The following CHN2 variants were observed in gnomAD, a reference collection of about 807,000 sequenced individuals.
CHN2 encodes the protein beta-chimaerin.
CHN2 carries 35 observed loss-of-function variants against 56.3 expected under a neutral mutation model. The observed-to-expected ratio is 0.62, with a 90% CI of 0.47 to 0.82. The LOEUF (loss-of-function observed/expected upper bound fraction) is 0.82. Ranked by LOEUF, CHN2 falls within the 40% of genes least tolerant of loss-of-function variation. CHN2 has a pLI of 0.00. For synonymous variants in CHN2, 210 were observed against 212.8 expected, an observed-to-expected ratio of 0.99 and a Z score of 0.12; for missense variants, 491 against 580.5, an observed-to-expected ratio of 0.85 and a Z score of 1.58.
At position 29,289,805 on chromosome 7, in the gene CHN2, C is replaced by G. The variant is rs73686719; in HGVS notation, c.50-64820C>G. Among the ~76,000 whole-genome samples, 9 of 152,278 alleles carry G rather than the reference C, an allele frequency of 5.9e-5. No homozygotes were observed. In the South Asian group the frequency reaches 1.2e-3, roughly 21 times the overall value. On this transcript the variant is annotated intron_variant, in intron 1 of 12. Coordinates refer to ENST00000222792, the MANE Select transcript of CHN2 (RefSeq NM_004067.4). ...ATGGCTACTTACATATGCATTTACC[C>G]GGAGGTTTGACTTTAAATGTTACCA...
At chr7:29,424,186 C>T (rs540919403) in intron 6 of CHN2, among the ~76,000 whole-genome samples, 11 of 152,110 alleles carry the variant, frequency 7.2e-5, no homozygotes, top group Non-Finnish European at 1.2e-4. Context: ...AAATAGAGGC[C>T]GTCAGACATG....
chr7:29,394,821 A>G (rs1311282719), intron 4 of CHN2, among the ~76,000 whole-genome samples: 2 of 152,226 alleles, frequency 1.3e-5, no homozygotes, highest in African/African-American at 4.8e-5. Flanking sequence ...GGAGCTGTTT[A>G]TTATGCATTT....
chr7:29,333,732 C>T (rs919544277), intron 1 of CHN2, among the ~76,000 whole-genome samples: 2 of 152,134 alleles, frequency 1.3e-5, no homozygotes, highest in Non-Finnish European at 2.9e-5. Context: ...AGACTTCTTT[C>T]TGGTTTTCCA....
At chr7:29,204,997 C>T (rs540395241) in intron 1 of CHN2, among the ~76,000 whole-genome samples, 2 of 152,252 alleles carry the variant, frequency 1.3e-5, no homozygotes, top group East Asian at 1.9e-4. Flanking sequence ...TGCCACAGTA[C>T]TTATTTGGTT....
intron 6 of CHN2, among the ~76,000 whole-genome samples, chr7:29,443,002 G>A (rs368011007): frequency 2.9e-5 from 4 of 139,510 alleles, no homozygotes; most frequent in African/African-American, 5.6e-5. Context: ...CTGCAGTGGC[G>A]CAATCTCGGC....
chr7:29,282,271 T>A (rs1042415893), intron 1 of CHN2, among the ~76,000 whole-genome samples: 1 of 152,206 alleles, frequency 6.6e-6, no homozygotes, highest in Non-Finnish European at 1.5e-5. Context: ...CAGATTGTGA[T>A]TGACACATCT....
intron 12 of CHN2, among the ~76,000 whole-genome samples, chr7:29,511,603 T>C (rs1791416746): frequency 6.6e-6 from 1 of 152,192 alleles, no homozygotes. Flanking sequence ...TTGTGGCATG[T>C]ACATGACACA....
chr7:29,426,193 C>T (rs543791170), intron 6 of CHN2, among the ~76,000 whole-genome samples: 54 of 104,776 alleles, frequency 5.2e-4, no homozygotes, highest in Admixed American at 2.3e-3. Flanking sequence ...TGGGTGATAG[C>T]GAGACTCTGT....
At position 29,400,762 on chromosome 7, in the gene CHN2, G is replaced by C. The variant is rs781298459; in HGVS notation, c.510G>C (p.Leu170=). The change falls in exon 6 of 13, where the codon CTG becomes CTC. Residue 170 remains leucine, a synonymous_variant. Transcript: ENST00000222792. ...TCAGAGAAAAAGTATCCAGAAGGCTGAGCAGGTCTAAAAATGAACCAAGAA... is the reference window on the plus strand; with the variant it reads ...TCAGAGAAAAAGTATCCAGAAGGCTCAGCAGGTCTAAAAATGAACCAAGAA... ...TLLREKVSRR[L]SRSKNEPRKT... is the part of the protein sequence containing the mutation. 6.2e-7 allele frequency: 1 copy of C among 1,612,924 alleles called. No homozygotes were observed. Among genetic ancestry groups the C allele is most frequent in the African/African-American group, 1.3e-5 (1 of 74,940 alleles).
At chr7:29,152,967 A>C (rs766654727) in intron 2 of CHN2, among the ~76,000 whole-genome samples, 36 of 152,336 alleles carry the variant, frequency 2.4e-4, no homozygotes, top group Non-Finnish European at 4.3e-4. Flanking sequence ...GTCATCCTCT[A>C]TCTGAGGGGT....
intron 1 of CHN2, among the ~76,000 whole-genome samples, chr7:29,279,541 G>A (rs1191631969): frequency 6.6e-6 from 1 of 152,234 alleles, no homozygotes; most frequent in Non-Finnish European, 1.5e-5. Context: ...ACTACAAGAC[G>A]GTTTCAGAGG....
intron 1 of CHN2, among the ~76,000 whole-genome samples, chr7:29,280,908 G>A (rs571058506): frequency 6.6e-6 from 1 of 152,184 alleles, no homozygotes. Flanking sequence ...ACCAGGCCTG[G>A]CCAACATGGA....
intron 6 of CHN2, among the ~76,000 whole-genome samples, chr7:29,473,470 GTTTT>G (rs765290417): frequency 4.3e-5 from 4 of 93,528 alleles, no homozygotes; most frequent in African/African-American, 1.0e-4. Flanking sequence ...GTGTGTTTGT[GTTTT>G]TTTTTTTTTG....
chr7:29,170,903 C>T (rs1048216751), intron 2 of CHN2, among the ~76,000 whole-genome samples: 6 of 152,094 alleles, frequency 3.9e-5, no homozygotes, highest in Admixed American at 2.6e-4. Flanking sequence ...TATCAGATCT[C>T]GTGAGACTTA....
At chr7:29,426,958 C>T (rs1804922186) in intron 6 of CHN2, among the ~76,000 whole-genome samples, 1 of 152,188 alleles carries the variant, frequency 6.6e-6, no homozygotes, top group Admixed American at 6.5e-5. Context: ...GTCTTTTTCA[C>T]ACTCTTAATC....
intron 7 of CHN2, among the ~76,000 whole-genome samples, chr7:29,495,734 G>T (rs1053044939): frequency 1.3e-5 from 2 of 152,130 alleles, no homozygotes; most frequent in Non-Finnish European, 2.9e-5. Flanking sequence ...GTTTCTCCAC[G>T]TTCCTTTCTG....
intron 1 of CHN2, among the ~76,000 whole-genome samples, chr7:29,319,581 A>G (rs1795196251): frequency 6.6e-6 from 1 of 152,202 alleles, no homozygotes. Context: ...GTTGATTTAT[A>G]TTTGATATAA....
intron 2 of CHN2, among the ~76,000 whole-genome samples, chr7:29,163,061 A>G (rs966732162): frequency 9.2e-5 from 14 of 152,234 alleles, no homozygotes; most frequent in African/African-American, 3.4e-4. Flanking sequence ...GTAAAACGTT[A>G]CCATGGGTTG....
chr7:29,226,865 A>G (rs1786244740), intron 1 of CHN2, among the ~76,000 whole-genome samples: 1 of 152,094 alleles, frequency 6.6e-6, no homozygotes. Context: ...CTAGTCCTTA[A>G]GTGTCCTATC....
Sources: allele counts gnomAD v4.1 joint callset (sites outside exome capture counted in the v4.1 genomes callset), GRCh38; gene constraint gnomAD v4.1.1; transcripts MANE v1.5; gene names NCBI Gene and HGNC (gene_info 2026-07-23, HGNC 2026-07-21).